Variants in SPATA6 observed in about 807,000 individuals in gnomAD.
SPATA6 encodes spermatogenesis associated 6.
Under a neutral mutation model 65.3 loss-of-function variants are expected in SPATA6, and 56 were observed. The observed-to-expected ratio is 0.86, with a 90% CI of 0.69 to 1.07. The LOEUF is 1.07. Ranked by LOEUF, SPATA6 falls within the 50% of genes least tolerant of loss-of-function variation. The pLI is 0.00. For synonymous variants in SPATA6, 199 were observed against 213.2 expected, an observed-to-expected ratio of 0.93 and a Z score of 0.58; for missense variants, 590 against 594.8, an observed-to-expected ratio of 0.99 and a Z score of 0.08.
In SPATA6 at chr1:48,359,596, G is replaced by C; in HGVS notation, c.1084C>G (p.Leu362Val). Residue 362 changes from leucine (L) to valine (V), a missense_variant, in exon 10 of 13, where the codon CTC becomes GTC. Coordinates refer to ENST00000371847, the MANE Select transcript of SPATA6 (RefSeq NM_019073.4). ...ACCGCACATAATTACCTTTCCCTGA[G>C]AGAAGCTCTATTTAACACAGGGCTT... ...SPSPVLNRAS[L>V]RERFHSDWCS... 6.2e-7 allele frequency: 1 copy of C among 1,612,724 alleles called. No individual in the cohort carries two copies. Among genetic ancestry groups the C allele is most frequent in the East Asian group, 2.2e-5 (1 of 44,864 alleles).
chr1:48,312,901 C>T (rs917995164), intron 11 of SPATA6, among the ~76,000 whole-genome samples: 4 of 152,130 alleles, frequency 2.6e-5, no homozygotes, highest in African/African-American at 9.7e-5. Context: ...GTGACGAATG[C>T]ACAAGCCTCA....
intron 11 of SPATA6, among the ~76,000 whole-genome samples, chr1:48,311,552 A>G (rs949605651): frequency 6.6e-6 from 1 of 152,224 alleles, no homozygotes; most frequent in African/African-American, 2.4e-5. Context: ...AAGAGAGTGA[A>G]TTAGTAATCA....
At chr1:48,308,474 A>G (rs1645116445) in intron 11 of SPATA6, among the ~76,000 whole-genome samples, 2 of 152,280 alleles carry the variant, frequency 1.3e-5, no homozygotes, top group Admixed American at 6.5e-5. Flanking sequence ...CAGATATAAG[A>G]ACTAAAGAGT....
intron 8 of SPATA6, among the ~76,000 whole-genome samples, chr1:48,394,230 A>G (rs1650355618): frequency 6.6e-6 from 1 of 152,078 alleles, no homozygotes; most frequent in African/African-American, 2.4e-5. Flanking sequence ...ATACCTCTAC[A>G]TAGGCAACTG....
intron 3 of SPATA6, among the ~76,000 whole-genome samples, chr1:48,415,269 C>T (rs903831058): frequency 3.3e-5 from 5 of 152,168 alleles, no homozygotes; most frequent in African/African-American, 2.4e-5. Context: ...GATGTGCTCA[C>T]GCAAGTAGTT....
intron 2 of SPATA6, among the ~76,000 whole-genome samples, chr1:48,452,247 G>A (rs1656636742): frequency 6.6e-6 from 1 of 152,078 alleles, no homozygotes; most frequent in Admixed American, 6.6e-5. Context: ...GGGAAGGAAG[G>A]AAGGCGAGAA....
chr1:48,427,099 AT>A (rs1346265336), intron 3 of SPATA6, among the ~76,000 whole-genome samples: 8 of 151,558 alleles, frequency 5.3e-5, no homozygotes, highest in African/African-American at 9.7e-5. Flanking sequence ...CTAATTTTTA[AT>A]TTTTTTTGTA....
At chr1:48,330,924 C>T (rs1238213700) in intron 11 of SPATA6, among the ~76,000 whole-genome samples, 1 of 152,146 alleles carries the variant, frequency 6.6e-6, no homozygotes, top group Non-Finnish European at 1.5e-5. Context: ...GGACCACAAC[C>T]CCCAACAAAA....
At chr1:48,436,763 T>A in intron 3 of SPATA6, 1 of 1,614,194 alleles carries the variant, frequency 6.2e-7, no homozygotes, top group Non-Finnish European at 8.5e-7. Context: ...AGTGGGCAGG[T>A]GCCTTTCCAG....
At chr1:48,309,884 A>T (rs1035874108) in intron 11 of SPATA6, among the ~76,000 whole-genome samples, 2 of 152,170 alleles carry the variant, frequency 1.3e-5, no homozygotes, top group Non-Finnish European at 2.9e-5. Flanking sequence ...CTGTATGTTG[A>T]GAGTACACTT....
At chr1:48,311,848 G>A (rs989756195) in intron 11 of SPATA6, among the ~76,000 whole-genome samples, 2 of 152,216 alleles carry the variant, frequency 1.3e-5, no homozygotes, top group Non-Finnish European at 2.9e-5. Flanking sequence ...ATGGTACCTG[G>A]AAATTCGGGT....
intron 11 of SPATA6, among the ~76,000 whole-genome samples, chr1:48,346,452 A>G (rs1488736474): frequency 6.6e-6 from 1 of 152,136 alleles, no homozygotes; most frequent in Non-Finnish European, 1.5e-5. Context: ...CTTATTCAAC[A>G]TAGGATTGGA....
intron 6 of SPATA6, among the ~76,000 whole-genome samples, chr1:48,401,738 C>A (rs1651184092): frequency 6.6e-6 from 1 of 152,000 alleles, no homozygotes; most frequent in Admixed American, 6.6e-5. Flanking sequence ...GTAAAGCCAT[C>A]CTAAACCATT....
intron 11 of SPATA6, among the ~76,000 whole-genome samples, chr1:48,353,617 C>T (rs973676895): frequency 1.3e-5 from 2 of 151,810 alleles, no homozygotes; most frequent in African/African-American, 4.8e-5. Context: ...AGGGACATTT[C>T]ATAATTAAAG....
chr1:48,346,074 A>G (rs1233257998), intron 11 of SPATA6, among the ~76,000 whole-genome samples: 17 of 152,112 alleles, frequency 1.1e-4, no homozygotes, highest in Admixed American at 3.9e-4. Context: ...CAAGGCAAAA[A>G]TCCTCAACAA....
chr1:48,337,530 AAAAT>A (rs1269023588), intron 11 of SPATA6, among the ~76,000 whole-genome samples: 4 of 151,814 alleles, frequency 2.6e-5, no homozygotes, highest in Non-Finnish European at 4.4e-5. Flanking sequence ...CAAAACAAGA[AAAAT>A]AAATAAAATG....
the SPATA6 span, among the ~76,000 whole-genome samples, chr1:48,288,813 T>A: frequency 6.6e-6 from 1 of 152,168 alleles, no homozygotes; most frequent in African/African-American, 2.4e-5. Flanking sequence ...CGCCCACCAT[T>A]GCTGAGGCTT....
Position 48,296,869 on chromosome 1 carries a change from A to T in SPATA6, c.*1844T>A, listed in dbSNP as rs1185319605. The T allele has an allele frequency of 6.6e-6, 1 of 152,106 alleles. No homozygotes were observed. Among genetic ancestry groups the T allele is most frequent in the East Asian group, 1.9e-4 (1 of 5,196 alleles). The allele number at this position is 152,106 out of a possible 1,614,324, so 9.4% of individuals were successfully genotyped here. On this transcript the variant is annotated 3_prime_UTR_variant, in exon 13 of 13. Transcript: ENST00000371847. The stretch of plus-strand genomic sequence containing the variant: ...GAATAACAAATAGTGGTACATGCTA[A>T]ATTTAGTTTAGAAAATTCTGGGTTA...
intron 11 of SPATA6, among the ~76,000 whole-genome samples, chr1:48,314,617 T>A (rs2148678538): frequency 6.6e-6 from 1 of 152,014 alleles, no homozygotes; most frequent in South Asian, 2.1e-4. Flanking sequence ...CACTCTAACA[T>A]CACAATTAAA....
Sources: gnomAD v4.1 joint callset for allele counts (sites outside exome capture counted in the v4.1 genomes callset) on GRCh38, gnomAD v4.1.1 for gene constraint, MANE v1.5 for transcripts, NCBI Gene and HGNC (gene_info 2026-07-23, HGNC 2026-07-21) for gene names.